The following BMPER variants were observed in gnomAD, a reference collection of about 807,000 sequenced individuals.
The protein encoded by BMPER is BMP binding endothelial regulator.
Under a neutral mutation model 87.3 loss-of-function variants are expected in BMPER, and 45 were observed. The observed-to-expected ratio is 0.52, with a 90% CI of 0.41 to 0.66. The LOEUF is 0.66. Ranked by LOEUF, BMPER falls within the 30% of genes least tolerant of loss-of-function variation. The pLI, the probability that BMPER is intolerant of heterozygous loss-of-function variation, is 0.00. For missense variants in BMPER, 784 were observed against 867.5 expected (o/e 0.90, Z 1.21); for synonymous variants, 326 against 316.2 (o/e 1.03, Z -0.33).
At chr7:33,964,159 G>T (rs1026144923) in intron 3 of BMPER, among the ~76,000 whole-genome samples, 1 of 152,122 alleles carries the variant, frequency 6.6e-6, no homozygotes, top group African/African-American at 2.4e-5. Flanking sequence ...ATCTTAGAAC[G>T]TAAACCCAAA....
At chr7:34,024,380 AAACAATATATATATATAT>A (rs1787289833) in intron 6 of BMPER, among the ~76,000 whole-genome samples, 7 of 72,820 alleles carry the variant, frequency 9.6e-5, no homozygotes, top group African/African-American at 4.9e-4. Context: ...AAAAAAAAAA[AAACAATATATATATATAT>A]ATATATATAT....
chr7:34,131,182 T>C (rs1790576761), intron 13 of BMPER, among the ~76,000 whole-genome samples: 1 of 152,062 alleles, frequency 6.6e-6, no homozygotes, highest in Non-Finnish European at 1.5e-5. Context: ...GGAGTCCTTT[T>C]TCTGGGATTT....
At chr7:33,941,873 G>A (rs1784777067) in intron 3 of BMPER, among the ~76,000 whole-genome samples, 1 of 152,180 alleles carries the variant, frequency 6.6e-6, no homozygotes, top group Non-Finnish European at 1.5e-5. Flanking sequence ...TGTAACAGGA[G>A]CACTGATAGA....
At position 34,079,124 on chromosome 7, in the gene BMPER, G is replaced by C. The variant is rs762016043; in HGVS notation, c.1346G>C (p.Cys449Ser). 43 of 1,613,746 alleles carry C rather than the reference G, an allele frequency of 2.7e-5. No individual in the cohort carries two copies. The highest frequency in any genetic ancestry group is 2.6e-5 in the Non-Finnish European group (31 of 1,179,962). The change falls in exon 12 of 15, where the codon TGC becomes TCC. Residue 449 changes from cysteine to serine, a missense_variant. By Grantham distance (112) the Cys-to-Ser change is moderately radical. Coordinates refer to ENST00000649409, the MANE Select transcript of BMPER (RefSeq NM_001365308.1). ...RWNGSRIALP[C>S]RAPHFHIDLD... Reference sequence around the variant, plus strand: ...AACGGCTCGCGCATCGCGCTCCCCTGCCGCGCGCCACACTTCCACATCGAC... The same window carrying C: ...AACGGCTCGCGCATCGCGCTCCCCTCCCGCGCGCCACACTTCCACATCGAC...
intron 3 of BMPER, among the ~76,000 whole-genome samples, chr7:33,947,495 G>T (rs552767064): frequency 1.2e-4 from 18 of 152,134 alleles, no homozygotes; most frequent in South Asian, 6.2e-4. Flanking sequence ...TTTTCTATGG[G>T]TTATGATCCC....
chr7:34,038,738 C>G (rs1420908060), intron 6 of BMPER, among the ~76,000 whole-genome samples: 1 of 152,056 alleles, frequency 6.6e-6, no homozygotes, highest in Non-Finnish European at 1.5e-5. Flanking sequence ...TCTCAGGGGT[C>G]TTTGTTTGCT....
chr7:34,107,997 A>AT (rs1789867559), intron 13 of BMPER, among the ~76,000 whole-genome samples: 1 of 152,236 alleles, frequency 6.6e-6, no homozygotes, highest in Non-Finnish European at 1.5e-5. Flanking sequence ...ACTTAGTACA[A>AT]TTTTTAAAAA....
At chr7:34,089,943 T>C (rs1343712648) in intron 13 of BMPER, among the ~76,000 whole-genome samples, 2 of 152,092 alleles carry the variant, frequency 1.3e-5, no homozygotes, top group Non-Finnish European at 2.9e-5. Flanking sequence ...TATTTTTTTC[T>C]GTTTTGGGAA....
At chr7:34,030,290 A>G (rs536232898) in intron 6 of BMPER, among the ~76,000 whole-genome samples, 8 of 152,244 alleles carry the variant, frequency 5.3e-5, no homozygotes, top group Non-Finnish European at 1.2e-4. Context: ...GGAAAGACCT[A>G]TAGTAGTAAA....
intron 4 of BMPER, 101 bp downstream of exon 4, chr7:33,966,662 CAG>C: frequency 8.7e-7 from 1 of 1,143,324 alleles, no homozygotes. Flanking sequence ...AAAGGCCAAA[CAG>C]AAATGAAAAA....
chr7:34,141,494 C>T (rs764769217), intron 13 of BMPER, among the ~76,000 whole-genome samples: 4 of 151,032 alleles, frequency 2.6e-5, no homozygotes, highest in Non-Finnish European at 5.9e-5. Flanking sequence ...ACCTGAATTC[C>T]AGCTACTTGG....
intron 6 of BMPER, among the ~76,000 whole-genome samples, chr7:33,989,594 C>T (rs953909558): frequency 2.5e-4 from 38 of 152,194 alleles, no homozygotes; most frequent in South Asian, 4.2e-4. Context: ...TAGTTTCTTT[C>T]ACTGTGCAGA....
intron 7 of BMPER, among the ~76,000 whole-genome samples, chr7:34,048,823 T>A (rs1472690567): frequency 1.3e-5 from 2 of 152,190 alleles, no homozygotes; most frequent in Admixed American, 6.5e-5. Context: ...CATGGAAATG[T>A]CTTAAGTCAG....
chr7:34,075,463 C>T (rs931733770), intron 11 of BMPER, among the ~76,000 whole-genome samples: 2 of 152,134 alleles, frequency 1.3e-5, no homozygotes, highest in Non-Finnish European at 2.9e-5. Flanking sequence ...TTTTTACCCC[C>T]CTTTACCTGT....
intron 3 of BMPER, among the ~76,000 whole-genome samples, chr7:33,938,783 T>C (rs1197155535): frequency 1.3e-5 from 2 of 152,154 alleles, no homozygotes; most frequent in Non-Finnish European, 2.9e-5. Flanking sequence ...CCCAGCACTT[T>C]GGGAGGCCAA....
chr7:34,024,484 A>G (rs1787305171), intron 6 of BMPER, among the ~76,000 whole-genome samples: 1 of 134,094 alleles, frequency 7.5e-6, no homozygotes, highest in Non-Finnish European at 1.5e-5. Flanking sequence ...CTAAAAGTTC[A>G]TGATGAAACC....
intron 7 of BMPER, among the ~76,000 whole-genome samples, chr7:34,048,355 C>T (rs780534850): frequency 6.6e-5 from 10 of 152,050 alleles, no homozygotes; most frequent in Non-Finnish European, 1.5e-4. Context: ...GCTACACACA[C>T]GTACACACAC....
chr7:34,045,596 G>T (rs149866608), intron 6 of BMPER, among the ~76,000 whole-genome samples: 1 of 152,158 alleles, frequency 6.6e-6, no homozygotes, highest in Non-Finnish European at 1.5e-5. Flanking sequence ...CTGCCAGTTC[G>T]TCTCATATCA....
At chr7:33,976,749 G>A (rs1585697115) in intron 6 of BMPER, among the ~76,000 whole-genome samples, 1 of 152,286 alleles carries the variant, frequency 6.6e-6, no homozygotes, top group Non-Finnish European at 1.5e-5. Flanking sequence ...GAAAGTTCCT[G>A]CAGCTGTACC....
Sources: gnomAD v4.1 joint callset for allele counts (sites outside exome capture counted in the v4.1 genomes callset) on GRCh38, gnomAD v4.1.1 for gene constraint, MANE v1.5 for transcripts, NCBI Gene and HGNC (gene_info 2026-07-23, HGNC 2026-07-21) for gene names.